CFAP47: variants seen among roughly 807,000 people sequenced by gnomAD.
The protein encoded by CFAP47 is cilia and flagella associated protein 47.
CFAP47 carries 29 observed loss-of-function variants against 148.1 expected under a neutral mutation model. The observed-to-expected ratio is 0.20, with a 90% CI of 0.15 to 0.27. CFAP47 has a LOEUF of 0.27. Among genes scored for constraint, CFAP47 ranks in the 10% least tolerant of loss-of-function variants. The pLI, the probability that CFAP47 is intolerant of heterozygous loss-of-function variation, is 1.00. For missense variants in CFAP47, 1,872 were observed against 1,697.5 expected (o/e 1.10, Z -1.81); for synonymous variants, 664 against 577.3 (o/e 1.15, Z -2.15).
chrX:36,072,264 G>A (rs968665914), intron 28 of CFAP47, among the ~76,000 whole-genome samples: 5 of 112,022 alleles, frequency 4.5e-5, no homozygotes, highest in Non-Finnish European at 7.5e-5. Flanking sequence ...GGACAAAAAT[G>A]TAAGAGTAGT....
intron 33 of CFAP47, among the ~76,000 whole-genome samples, chrX:36,129,799 A>G (rs1279095992): frequency 1.8e-5 from 2 of 111,453 alleles, no homozygotes; most frequent in Admixed American, 1.9e-4. Context: ...AATGAGGAAA[A>G]AGGAATATTT....
At chrX:35,960,418 A>G (rs1936314350) in intron 8 of CFAP47, among the ~76,000 whole-genome samples, 1 of 99,214 alleles carries the variant, frequency 1.0e-5, no homozygotes, top group African/African-American at 3.8e-5. Context: ...GGACAGCTGG[A>G]ATTTTGAAAA....
At chrX:36,028,754 TA>T (rs1283918782) in intron 22 of CFAP47, among the ~76,000 whole-genome samples, 5 of 111,409 alleles carry the variant, frequency 4.5e-5, no homozygotes, top group South Asian at 7.4e-4. Context: ...AGGTTTTTAG[TA>T]GAGTCTTTAA....
intron 59 of CFAP47, among the ~76,000 whole-genome samples, chrX:36,350,738 G>A (rs899376070): frequency 6.8e-5 from 7 of 102,252 alleles, no homozygotes; most frequent in African/African-American, 2.5e-4. Flanking sequence ...TAACGTTTCT[G>A]TGTGTTCTCT....
At chrX:35,934,333 C>T (rs972869580) in intron 2 of CFAP47, among the ~76,000 whole-genome samples, 8 of 110,858 alleles carry the variant, frequency 7.2e-5, no homozygotes, top group Admixed American at 5.8e-4. Context: ...ACCCTATGGC[C>T]GCCACCACCA....
At chrX:36,342,411 A>G (rs1454610331) in intron 57 of CFAP47, among the ~76,000 whole-genome samples, 1 of 111,855 alleles carries the variant, frequency 8.9e-6, no homozygotes, top group Non-Finnish European at 1.9e-5. Context: ...GATCATTGCA[A>G]GTTTTAAATA....
In CFAP47 at chrX:35,930,010, A is replaced by AAAAC. The variant is rs759592663; in HGVS notation, c.401+3854_401+3857dup. Among the ~76,000 whole-genome samples, 125 of 110,865 alleles carry AAAAC rather than the reference A, an allele frequency of 1.1e-3. No individual in the cohort carries two copies. In the South Asian group the frequency reaches 0.017, roughly 15 times the overall value. ...TGAGACTGTCTCAAAAAAACAAAAC[A>AAAAC]AAACAAACAAACAAAAAAAAACAGT... On this transcript the variant is annotated intron_variant, in intron 2 of 63. Coordinates refer to ENST00000378653, the MANE Select transcript of CFAP47 (RefSeq NM_001304548.2).
intron 30 of CFAP47, among the ~76,000 whole-genome samples, chrX:36,098,561 A>G (rs1291629583): frequency 1.8e-5 from 2 of 111,407 alleles, no homozygotes. Flanking sequence ...CTGAGCTGGC[A>G]CTCAAACCAT....
intron 39 of CFAP47, among the ~76,000 whole-genome samples, chrX:36,161,957 A>G (rs1438636715): frequency 8.9e-5 from 10 of 112,351 alleles, no homozygotes; most frequent in Admixed American, 8.5e-4. Context: ...ATTTTAGAAT[A>G]TATGGTGTGT....
intron 54 of CFAP47, 119 bp from the exon 55 acceptor site, chrX:36,306,653 C>T: frequency 2.5e-6 from 1 of 396,119 alleles, no homozygotes. Context: ...ATAATGTGTG[C>T]AAGACAACAC....
rs1938433075 is a variant in CFAP47, at chrX:36,104,483, T to C, written c.5128-16T>C. The C allele has an allele frequency of 1.5e-6, 1 of 652,124 alleles. No individual in the cohort carries two copies. Among genetic ancestry groups the C allele is most frequent in the Non-Finnish European group, 2.2e-6 (1 of 457,454 alleles). 53.7% of individuals were successfully genotyped at this position (652,124 alleles called of 1,213,427 possible). On this transcript the variant is annotated splice_polypyrimidine_tract_variant and intron_variant, in intron 32 of 63. Transcript: ENST00000378653. ...TTCCATTTGCATCTAATAAAAGTTATCTCTCCCAATTTCAGGTTTTGGTTC... is the reference window on the plus strand; with the variant it reads ...TTCCATTTGCATCTAATAAAAGTTACCTCTCCCAATTTCAGGTTTTGGTTC...
At chrX:36,145,965 G>A (rs1309929485) in intron 36 of CFAP47, among the ~76,000 whole-genome samples, 1 of 110,052 alleles carries the variant, frequency 9.1e-6, no homozygotes, top group African/African-American at 3.3e-5. Flanking sequence ...TTTGTGTTTG[G>A]TTTGTGTTAG....
intron 45 of CFAP47, among the ~76,000 whole-genome samples, chrX:36,206,636 G>GCTT (rs1555988826): frequency 1.8e-5 from 2 of 111,448 alleles, no homozygotes; most frequent in East Asian, 5.6e-4. Context: ...TATAACCAAG[G>GCTT]ATACACAGCA....
rs782249952 is a variant in CFAP47 at position 36,236,822 on chromosome X, C to T, written c.7295C>T (p.Thr2432Ile). 26 of 489,733 alleles carry T rather than the reference C, an allele frequency of 5.3e-5. No individual in the cohort carries two copies. Among genetic ancestry groups the T allele is most frequent in the Middle Eastern group, 6.5e-4 (2 of 3,054 alleles). 40.4% of individuals were successfully genotyped at this position (489,733 alleles called of 1,213,427 possible). A position where few individuals can be genotyped will look rare whatever the true frequency, so the allele number is the denominator to read the frequency against. The change falls in exon 48 of 64, where the codon ACA (threonine) becomes ATA (isoleucine). Residue 2432 changes from threonine to isoleucine, a missense_variant. Physicochemically the swap from Thr to Ile is moderately conservative, Grantham distance 89. Coordinates refer to ENST00000378653, the MANE Select transcript of CFAP47 (RefSeq NM_001304548.2). ...GGGAATGTGACACAAAAGCATATAA[C>T]ATTGCCTCATTTCACAAATACTGCC... is the stretch of plus-strand genomic sequence containing the variant. ...QVGNVTQKHITLPHFTNTALT... is the reference protein window; with the variant it reads ...QVGNVTQKHIILPHFTNTALT...
At chrX:35,973,479 G>A (rs1489643501) in intron 13 of CFAP47, among the ~76,000 whole-genome samples, 4 of 111,879 alleles carry the variant, frequency 3.6e-5, no homozygotes, top group South Asian at 7.5e-4. Flanking sequence ...GTAAGCCACC[G>A]TGCCCGGCCT....
At chrX:35,971,161 T>C (rs1290538896) in intron 11 of CFAP47, among the ~76,000 whole-genome samples, 3 of 112,327 alleles carry the variant, frequency 2.7e-5, no homozygotes, top group Non-Finnish European at 5.6e-5. Context: ...TTCCAGTGCC[T>C]ATGATTTATG....
chrX:36,368,112 A>G (rs1442532013), intron 62 of CFAP47: 1 of 111,518 alleles, frequency 9.0e-6, no homozygotes, highest in African/African-American at 3.3e-5. Context: ...TGAGAATGAA[A>G]GAGGATAATT....
At position 36,251,601 on chromosome X, in the gene CFAP47, T is replaced by A. The variant is rs781891073; in HGVS notation, c.7444+157T>A. Among the ~76,000 whole-genome samples, 9 of 111,847 alleles carry A rather than the reference T, an allele frequency of 8.0e-5. No individual in the cohort carries two copies. In the South Asian group the frequency reaches 3.3e-3, roughly 41 times the overall value. On this transcript the variant is annotated intron_variant, in intron 49 of 63. Transcript: ENST00000378653. ...TTTCAGTCATTAGCTTTCTAAGTAATCAGGGCTTTGATGCATACATTTTAT... is the reference window on the plus strand; with the variant it reads ...TTTCAGTCATTAGCTTTCTAAGTAAACAGGGCTTTGATGCATACATTTTAT...
intron 29 of CFAP47, among the ~76,000 whole-genome samples, chrX:36,079,826 C>G (rs1601965227): frequency 9.0e-6 from 1 of 111,589 alleles, no homozygotes; most frequent in South Asian, 3.7e-4. Flanking sequence ...CTTAAAAACC[C>G]TAGAAGAAAA....
Sources: gnomAD v4.1 joint callset for allele counts (sites outside exome capture counted in the v4.1 genomes callset) on GRCh38, gnomAD v4.1.1 for gene constraint, MANE v1.5 for transcripts, NCBI Gene and HGNC (gene_info 2026-07-23, HGNC 2026-07-21) for gene names.